Variants in WWP1 observed in about 807,000 individuals in gnomAD.
WWP1 encodes NEDD4-like E3 ubiquitin-protein ligase WWP1.
A neutral mutation model predicts 130.6 loss-of-function variants in WWP1; 49 were observed. The observed-to-expected ratio is 0.38, with a 90% CI of 0.30 to 0.48. WWP1 has a LOEUF of 0.48. Ranked by LOEUF, WWP1 falls within the 20% of genes least tolerant of loss-of-function variation. WWP1 has a pLI of 0.99. For synonymous variants in WWP1, 332 were observed against 367.8 expected (o/e 0.90, Z 1.11); for missense variants, 809 against 1,100.6 (o/e 0.74, Z 3.75).
At chr8:86,389,795 C>A (rs1825523858) in intron 5 of WWP1, among the ~76,000 whole-genome samples, 1 of 150,400 alleles carries the variant, frequency 6.6e-6, no homozygotes, top group Non-Finnish European at 1.5e-5. Flanking sequence ...GGCCGCCCCC[C>A]ACCTCCCTCC....
intron 5 of WWP1, among the ~76,000 whole-genome samples, chr8:86,390,690 G>A (rs562944150): frequency 6.6e-6 from 1 of 151,484 alleles, no homozygotes; most frequent in East Asian, 2.0e-4. Context: ...CGTGGAAAGT[G>A]GGAGACGAGA....
chr8:86,446,225 G>A (rs1001341516), intron 18 of WWP1, among the ~76,000 whole-genome samples: 2 of 151,936 alleles, frequency 1.3e-5, no homozygotes, highest in Non-Finnish European at 2.9e-5. Flanking sequence ...CAGGTGATCC[G>A]CCAACCTCGG....
chr8:86,441,180 G>C (rs1810572177), intron 17 of WWP1, among the ~76,000 whole-genome samples: 1 of 152,134 alleles, frequency 6.6e-6, no homozygotes, highest in Non-Finnish European at 1.5e-5. Context: ...GAAGCATCTG[G>C]AGGGTTTATT....
chr8:86,372,055 G>T (rs1374335418), intron 2 of WWP1, among the ~76,000 whole-genome samples: 2 of 113,740 alleles, frequency 1.8e-5, no homozygotes, highest in Non-Finnish European at 3.3e-5. Flanking sequence ...ACGGAGTTTC[G>T]CTCTGTCGCC....
intron 1 of WWP1, among the ~76,000 whole-genome samples, chr8:86,346,302 T>G (rs554728406): frequency 1.1e-3 from 166 of 152,094 alleles, no homozygotes; most frequent in Non-Finnish European, 2.0e-3. Context: ...ATAAGAAACT[T>G]TAAGAACTTT....
At chr8:86,344,840 G>C (rs981131398) in intron 1 of WWP1, among the ~76,000 whole-genome samples, 5 of 152,330 alleles carry the variant, frequency 3.3e-5, no homozygotes, top group African/African-American at 1.2e-4. Context: ...ATTTGTACCA[G>C]GATAAAGGGT....
Position 86,466,866 on chromosome 8 carries a change from A to G in WWP1, c.2742A>G (p.Glu914=), listed in dbSNP as rs138898649. 34 of 1,606,404 alleles carry G rather than the reference A, an allele frequency of 2.1e-5. No homozygotes were observed. The African/African-American group carries it at 4.2e-4, about 20-fold the overall frequency. Residue 914 remains glutamate (E), a synonymous_variant, in exon 25 of 25, where the codon GAA becomes GAG. Transcript: ENST00000517970. The part of the protein sequence containing the change: ...QLKEKLLFAI[E]ETEGFGQE ...AGGAAAAACTTCTTTTTGCAATAGA[A>G]GAGACAGAGGGATTTGGACAAGAAT... is the stretch of plus-strand genomic sequence containing the variant.
intron 22 of WWP1, among the ~76,000 whole-genome samples, chr8:86,459,792 T>C (rs1471787925): frequency 6.6e-6 from 1 of 152,236 alleles, no homozygotes; most frequent in African/African-American, 2.4e-5. Context: ...CATTTGTACC[T>C]ACATAGCTAA....
At chr8:86,404,520 T>C (rs1808168596) in intron 8 of WWP1, among the ~76,000 whole-genome samples, 1 of 152,232 alleles carries the variant, frequency 6.6e-6, no homozygotes, top group East Asian at 1.9e-4. Context: ...TCTTTCTTAT[T>C]TATTCTTGCC....
At chr8:86,458,113 T>G (rs1260318012) in intron 22 of WWP1, 88 bp downstream of exon 22, 2 of 1,071,646 alleles carry the variant, frequency 1.9e-6, no homozygotes, top group Non-Finnish European at 2.7e-6. Context: ...TATTTTTAAT[T>G]GAGACTGCTT....
At chr8:86,437,258 T>C (rs1461482108) in intron 16 of WWP1, among the ~76,000 whole-genome samples, 2 of 152,342 alleles carry the variant, frequency 1.3e-5, no homozygotes, top group Non-Finnish European at 2.9e-5. Flanking sequence ...CTAGTAACCT[T>C]GATGTAAGCT....
chr8:86,440,040 A>G (rs1213076473), intron 17 of WWP1, among the ~76,000 whole-genome samples: 3 of 152,226 alleles, frequency 2.0e-5, no homozygotes, highest in Non-Finnish European at 4.4e-5. Context: ...AAACTTTTCC[A>G]GAAACGAAAC....
intron 17 of WWP1, 67 bp from the exon 18 acceptor site, chr8:86,442,552 T>C (rs999290704): frequency 7.1e-7 from 1 of 1,401,656 alleles, no homozygotes; most frequent in African/African-American, 1.5e-5. Flanking sequence ...TATATGAATA[T>C]ATTTAAGATC....
intron 2 of WWP1, among the ~76,000 whole-genome samples, chr8:86,373,070 T>A (rs983090733): frequency 2.7e-5 from 2 of 74,958 alleles, no homozygotes; most frequent in African/African-American, 1.3e-4. Context: ...GTTCTTAGTT[T>A]GTTTTTTTTT....
At chr8:86,368,010 A>G (rs561317771) in intron 1 of WWP1, among the ~76,000 whole-genome samples, 57 of 152,294 alleles carry the variant, frequency 3.7e-4, no homozygotes, top group African/African-American at 1.3e-3. Flanking sequence ...CCTCAACTGC[A>G]TGCTTCTCTA....
At chr8:86,410,770 C>G (rs1808539314) in intron 8 of WWP1, among the ~76,000 whole-genome samples, 1 of 139,982 alleles carries the variant, frequency 7.1e-6, no homozygotes, top group South Asian at 2.2e-4. Flanking sequence ...TTTCTTACAT[C>G]TTTAGGTACT....
At chr8:86,430,798 CATATATATATATATATATATAT>C (rs36226595) in intron 12 of WWP1, 47 bp downstream of exon 12, 5 of 198,540 alleles carry the variant, frequency 2.5e-5, no homozygotes, top group South Asian at 2.9e-4. Flanking sequence ...TATATCTCTC[CATATATATATATATATATATAT>C]ATATATATAT....
intron 14 of WWP1, among the ~76,000 whole-genome samples, chr8:86,433,778 C>T (rs549194755): frequency 5.9e-5 from 9 of 152,166 alleles, no homozygotes; most frequent in African/African-American, 1.2e-4. Context: ...ATTAGCTGGG[C>T]GTGATGGCGT....
chr8:86,433,371 C>G (rs1020697482), intron 14 of WWP1, among the ~76,000 whole-genome samples: 5 of 151,620 alleles, frequency 3.3e-5, no homozygotes, highest in Admixed American at 1.3e-4. Flanking sequence ...CTATATTCAG[C>G]TGCTTATTGA....
Sources: gnomAD v4.1 joint callset for allele counts (sites outside exome capture counted in the v4.1 genomes callset) on GRCh38, gnomAD v4.1.1 for gene constraint, MANE v1.5 for transcripts, NCBI Gene and HGNC (gene_info 2026-07-23, HGNC 2026-07-21) for gene names.